Variants in HR observed in about 807,000 individuals in gnomAD.
The protein encoded by HR is HR lysine demethylase and nuclear receptor corepressor.
In HR, 83 loss-of-function variants were observed where a neutral mutation model predicts 128.6. That is an observed-to-expected ratio of 0.65 (90% confidence interval 0.54 to 0.77). The LOEUF (loss-of-function observed/expected upper bound fraction) is 0.77. HR is among the 30% of genes least tolerant of loss of function. The pLI is 0.00. For synonymous variants in HR, 681 were observed against 658.2 expected, an observed-to-expected ratio of 1.03 and a Z score of -0.53; for missense variants, 1,490 against 1,574.6, an observed-to-expected ratio of 0.95 and a Z score of 0.91.
Position 22,120,322 on chromosome 8 carries a change from C to T in HR, c.2776+20G>A, listed in dbSNP as rs765686683. ...GGCTTGGGCTCCCAGCTCCCTCTCC[C>T]CTGTGTTGGGGACACTTACGCTCAG... is the stretch of plus-strand genomic sequence containing the variant. On this transcript the variant is annotated intron_variant, in intron 12 of 18. Transcript: ENST00000381418. The T allele has an allele frequency of 1.2e-6, 2 of 1,613,732 alleles. No individual in the cohort carries two copies. Among genetic ancestry groups the T allele is most frequent in the Non-Finnish European group, 1.7e-6 (2 of 1,179,996 alleles).
rs551031128 is a variant in HR, at chr8:22,118,707, G to C, written c.3213+243C>G. 3.1e-4 allele frequency: 180 copies of C among 577,204 alleles called. 2 individuals carry two copies. The South Asian group carries it at 3.6e-3, about 12-fold the overall frequency. 35.8% of individuals were successfully genotyped at this position (577,204 alleles called of 1,614,324 possible). On this transcript the variant is annotated intron_variant, in intron 16 of 18. Coordinates refer to ENST00000381418, the MANE Select transcript of HR (RefSeq NM_005144.5). ...CCACGTCCAGCCTCGGGCAGCTGGT[G>C]CTCTCATTTCATCATCGGGTCCAGG...
rs772074243 is a variant in HR, at chr8:22,121,113, A to G, written c.2319T>C (p.His773=). The G allele has an allele frequency of 6.2e-7, 1 of 1,613,878 alleles. No homozygotes were observed. Among genetic ancestry groups the G allele is most frequent in the Non-Finnish European group, 8.5e-7 (1 of 1,180,040 alleles). ...GGGCGAAGGCCATGTGTATTCGCTC[A>G]TGGCCCAAGCAGAGTTTGACCGCGG... is the stretch of plus-strand genomic sequence containing the variant. The part of the protein sequence containing the change: ...ASTAVKLCLG[H]ERIHMAFAPV... Residue 773 remains histidine (H), a synonymous_variant, in exon 10 of 19, where the codon CAT becomes CAC. Transcript: ENST00000381418.
chr8:22,122,299 A>T lies in HR; in HGVS notation c.2121+194T>A, dbSNP rs111293027. ...TGCTCCAGGAAGGCAGGGGGTGAGG[A>T]CCTCCAGGGCATGGAGGTGGGAGGG... On this transcript the variant is annotated intron_variant, in intron 8 of 18. Transcript: ENST00000381418. Among the ~76,000 whole-genome samples, 344 of 151,788 alleles carry T rather than the reference A, an allele frequency of 2.3e-3. 4 individuals are homozygous for T. Among genetic ancestry groups the T allele is most frequent in the South Asian group, 7.5e-3 (36 of 4,780 alleles).
chr8:22,115,638 G>T lies in HR; in HGVS notation c.*62C>A, dbSNP rs2131747864. ...CCTAGCGCCATCCCCTGCTGAAGTT[G>T]TGCCTGGGCTGAGCACCTGGTCTAC... is the stretch of plus-strand genomic sequence containing the variant. On this transcript the variant is annotated 3_prime_UTR_variant, in exon 19 of 19. Transcript: ENST00000381418. 5 of 1,424,764 alleles carry T rather than the reference G, an allele frequency of 3.5e-6. No individual in the cohort carries two copies. The highest frequency in any genetic ancestry group is 5.0e-6 in the Non-Finnish European group (5 of 1,008,538). The allele number at this position is 1,424,764 out of a possible 1,614,324, so 88.3% of individuals were successfully genotyped here. A position where few individuals can be genotyped will look rare whatever the true frequency, so the allele number is the denominator to read the frequency against.
chr8:22,115,459 T>G lies in HR; in HGVS notation c.*241A>C. 1.7e-6 allele frequency: 1 copy of G among 599,190 alleles called. No individual in the cohort carries two copies. 37.1% of individuals were successfully genotyped at this position (599,190 alleles called of 1,614,324 possible). A position where few individuals can be genotyped will look rare whatever the true frequency, so the allele number is the denominator to read the frequency against. On this transcript the variant is annotated 3_prime_UTR_variant, in exon 19 of 19. Coordinates refer to ENST00000381418, the MANE Select transcript of HR (RefSeq NM_005144.5). ...TGCCCCCAGTGCGGGCCTGGTACCA[T>G]GAAAAGGGGCACAGGGTGGGGGAGA...
At chr8:22,118,921 A>G in intron 16 of HR, 29 bp downstream of exon 16, 1 of 1,578,230 alleles carries the variant, frequency 6.3e-7, no homozygotes, top group South Asian at 1.1e-5. Context: ...GGGCGGGGGG[A>G]AGGGGAGGGC....
At position 22,121,067 on chromosome 8, in the gene HR, T is replaced by C. The variant is rs761995462; in HGVS notation, c.2365A>G (p.Ser789Gly). The stretch of plus-strand genomic sequence containing the variant: ...CCTCCCTCCGTGCCCTCACTCACAC[T>C]GGGCAGGGCCGGAGTGACGGGGGCG... ...AFAPVTPALP[S>G]DDRITNILDS... Residue 789 changes from serine to glycine, a missense_variant and splice_region_variant, in exon 10 of 19, where the codon AGT becomes GGT. Ser to Gly is a moderately conservative substitution (Grantham distance 56). Transcript: ENST00000381418. The C allele has an allele frequency of 5.0e-6, 8 of 1,613,596 alleles. No homozygotes were observed. In the South Asian group the frequency reaches 8.8e-5, roughly 18 times the overall value.
At position 22,127,878 on chromosome 8, in the gene HR, GCC is replaced by G. The variant is rs749099559; in HGVS notation, c.613-51_613-50del. 1.5e-4 allele frequency: 232 copies of G among 1,542,812 alleles called. No homozygotes were observed. The African/African-American group carries it at 2.7e-3, about 18-fold the overall frequency. ...GCTTCAGCTGACTTGGGCTCCCCAT[GCC>G]TAAATGGATGGGCAGAACTGACAAG... On this transcript the variant is annotated intron_variant, in intron 2 of 18. Coordinates refer to ENST00000381418, the MANE Select transcript of HR (RefSeq NM_005144.5).
At chr8:22,126,356 G>C (rs1047048424) in intron 3 of HR, among the ~76,000 whole-genome samples, 2 of 152,218 alleles carry the variant, frequency 1.3e-5, no homozygotes, top group Non-Finnish European at 1.5e-5. Flanking sequence ...ACTAAGGCTG[G>C]AGCCGGCAGT....
At chr8:22,117,203 G>A in intron 16 of HR, 164 bp from the exon 17 acceptor site, 1 of 682,716 alleles carries the variant, frequency 1.5e-6, no homozygotes, top group East Asian at 2.9e-5. Flanking sequence ...TGGGGCTGGG[G>A]CAGCTCAGGT....
chr8:22,120,130 T>C lies in HR; in HGVS notation c.2820A>G (p.Arg940=). 1 of 1,592,598 alleles carries C rather than the reference T, an allele frequency of 6.3e-7. No individual in the cohort carries two copies. The highest frequency in any genetic ancestry group is 1.1e-5 in the South Asian group (1 of 87,710). ...TGCTGGTGTCCTCATCCCCCAAAGCTCGGTGCAGCAGGAGGACAGAGCCCT... is the reference window on the plus strand; with the variant it reads ...TGCTGGTGTCCTCATCCCCCAAAGCCCGGTGCAGCAGGAGGACAGAGCCCT... ...SDEGSVLLLH[R]ALGDEDTSRV... Residue 940 remains arginine, a synonymous_variant, in exon 13 of 19, where the codon CGA becomes CGG. Transcript: ENST00000381418.
chr8:22,123,627 C>A, intron 6 of HR, 22 bp downstream of exon 6: 1 of 1,111,004 alleles, frequency 9.0e-7, no homozygotes, highest in South Asian at 1.5e-5. Flanking sequence ...TCCCGCCCTC[C>A]CACCCCCAGC....
At chr8:22,122,974 G>A (rs1240700944) in intron 6 of HR, 95 bp from the exon 7 acceptor site, 1 of 1,170,678 alleles carries the variant, frequency 8.5e-7, no homozygotes, top group Non-Finnish European at 1.2e-6. Context: ...TAAACCAGGG[G>A]ACTCAATAGT....
chr8:22,120,342 G>A lies in HR; in HGVS notation c.2776C>T (p.Leu926Phe), dbSNP rs375878986. The change falls in exon 12 of 19, where the codon CTT becomes TTT. Residue 926 changes from leucine (L) to phenylalanine (F), a missense_variant and splice_region_variant. This residue lies in a region of HR where 423 missense variants were observed against 495.9 expected (regional missense o/e 0.85). Transcript: ENST00000381418. ...TFWEGFSWPE[L>F]RPKSDEGSVL... ...TCTCCCCTGTGTTGGGGACACTTAC[G>A]CTCAGGCCAGGAGAAGCCCTCCCAG... 85 of 1,613,740 alleles carry A rather than the reference G, an allele frequency of 5.3e-5. 1 individual carries two copies. Among genetic ancestry groups the A allele is most frequent in the South Asian group, 4.1e-4 (37 of 91,084 alleles).
chr8:22,123,617 T>TACCCCC, intron 6 of HR, 32 bp downstream of exon 6: 1 of 292,092 alleles, frequency 3.4e-6, no homozygotes, highest in Non-Finnish European at 6.2e-6. Flanking sequence ...GAGGGCTCCA[T>TACCCCC]CCCGCCCTCC....
rs759766879 is a variant in HR, at chr8:22,122,995, C to A, written c.1916-116G>T. ...AGGGGACTCAATAGTCCACAAAACT[C>A]GTGCTTTCTGGGAAACCTGGGTCAC... On this transcript the variant is annotated intron_variant, in intron 6 of 18. Coordinates refer to ENST00000381418, the MANE Select transcript of HR (RefSeq NM_005144.5). 3.9e-5 allele frequency: 39 copies of A among 1,007,254 alleles called. 1 individual carries two copies. In the South Asian group the frequency reaches 4.8e-4, roughly 12 times the overall value. 62.4% of individuals were successfully genotyped at this position (1,007,254 alleles called of 1,614,324 possible). A position where few individuals can be genotyped will look rare whatever the true frequency, so the allele number is the denominator to read the frequency against.
In HR at chr8:22,124,597, G is replaced by A. The variant is rs1171888979; in HGVS notation, c.1750+714C>T. On this transcript the variant is annotated intron_variant, in intron 5 of 18. Coordinates refer to ENST00000381418, the MANE Select transcript of HR (RefSeq NM_005144.5). The stretch of plus-strand genomic sequence containing the variant: ...AATACAGCGATGACTGTGGCACCAC[G>A]AGGCGGGTGCTGGAGATGGAAAATG... 3.9e-5 allele frequency among the ~76,000 whole-genome samples: 6 copies of A among 152,336 alleles called. No homozygotes were observed. In the East Asian group the frequency reaches 9.6e-4, roughly 24 times the overall value.
intron 6 of HR, 32 bp downstream of exon 6, chr8:22,123,617 T>TTTC: frequency 2.1e-5 from 6 of 292,092 alleles, no homozygotes; most frequent in Non-Finnish European, 3.7e-5. Context: ...GAGGGCTCCA[T>TTTC]CCCGCCCTCC....
Position 22,127,753 on chromosome 8 carries a change from C to G in HR, c.689G>C (p.Gly230Ala). 1 of 1,602,624 alleles carries G rather than the reference C, an allele frequency of 6.2e-7. No homozygotes were observed. The highest frequency in any genetic ancestry group is 8.5e-7 in the Non-Finnish European group (1 of 1,179,982). ...CTGCAGGTGCCCACCAGAGTTTAAG[C>G]CAAACAACCCAGGTTCCGCAGCTGC... is the stretch of plus-strand genomic sequence containing the variant. The part of the protein sequence containing the change: ...PLAAAEPGLF[G>A]LNSGGHLQRA... Residue 230 changes from glycine to alanine, a missense_variant, in exon 3 of 19, where the codon GGC becomes GCC. Physicochemically the swap from Gly to Ala is moderately conservative, Grantham distance 60. This residue lies in a region of HR where 1,060 missense variants were observed against 1,060.9 expected (regional missense o/e 1.00). Transcript: ENST00000381418.
Sources: allele counts gnomAD v4.1 joint callset (sites outside exome capture counted in the v4.1 genomes callset), GRCh38; gene constraint gnomAD v4.1.1; regional missense constraint gnomAD v4.1.1; transcripts MANE v1.5; gene names NCBI Gene and HGNC (gene_info 2026-07-23, HGNC 2026-07-21).